TRPC3: variants seen among roughly 807,000 people sequenced by gnomAD.
TRPC3 encodes short transient receptor potential channel 3.
Under a neutral mutation model 90.9 loss-of-function variants are expected in TRPC3, and 54 were observed. That is an observed-to-expected ratio of 0.59 (90% confidence interval 0.48 to 0.75). TRPC3 has a LOEUF of 0.75. Ranked by LOEUF, TRPC3 falls within the 30% of genes least tolerant of loss-of-function variation. The pLI is 0.00. For synonymous variants in TRPC3, 424 were observed against 450.9 expected (o/e 0.94, Z 0.75); for missense variants, 918 against 1,194.5 (o/e 0.77, Z 3.41).
chr4:121,881,896 G>C (rs1727955866), intron 11 of TRPC3, among the ~76,000 whole-genome samples: 1 of 152,106 alleles, frequency 6.6e-6, no homozygotes, highest in African/African-American at 2.4e-5. Flanking sequence ...AAATTCAAAA[G>C]AGACGCACCA....
In TRPC3 at chr4:121,951,546, C is replaced by G; in HGVS notation, c.135G>C (p.Gly45=). Residue 45 remains glycine (G), a synonymous_variant, in exon 1 of 12, where the codon GGG becomes GGC. Transcript: ENST00000379645. This position sits in a 1 kb window ranked among gnomAD's most constrained non-coding sequence, Gnocchi z 4.4. ...RRRRGWRGVN[G]GLEPRSAPSQ... is the part of the protein sequence containing the mutation. ...AGGGCGCCGAGCGCGGCTCCAGCCC[C>G]CCGTTGACGCCCCTCCAGCCCCGGC... The G allele has an allele frequency of 2.1e-6, 3 of 1,424,680 alleles. No homozygotes were observed. Among genetic ancestry groups the G allele is most frequent in the Non-Finnish European group, 2.8e-6 (3 of 1,086,522 alleles). 88.3% of individuals were successfully genotyped at this position (1,424,680 alleles called of 1,614,324 possible).
intron 10 of TRPC3, among the ~76,000 whole-genome samples, chr4:121,884,989 A>T (rs917761725): frequency 1.3e-5 from 2 of 152,214 alleles, no homozygotes; most frequent in African/African-American, 4.8e-5. Flanking sequence ...TTCCTATAAA[A>T]TGAAAATACA....
At chr4:121,888,141 T>C (rs1290430654) in intron 10 of TRPC3, among the ~76,000 whole-genome samples, 1 of 152,140 alleles carries the variant, frequency 6.6e-6, no homozygotes, top group Non-Finnish European at 1.5e-5. Context: ...ATTGTAGAAG[T>C]GAGCCACCAT....
intron 10 of TRPC3, among the ~76,000 whole-genome samples, chr4:121,890,653 T>C (rs1728291549): frequency 6.6e-6 from 1 of 152,096 alleles, no homozygotes; most frequent in African/African-American, 2.4e-5. Context: ...GATATTTCAA[T>C]AAAATTATTC....
At chr4:121,940,199 G>A (rs758277439) in intron 1 of TRPC3, among the ~76,000 whole-genome samples, 2 of 152,114 alleles carry the variant, frequency 1.3e-5, no homozygotes, top group East Asian at 1.9e-4. Context: ...CCAAATCCCT[G>A]CCAAATGTAG....
At chr4:121,930,843 A>AC (rs1729882990) in intron 2 of TRPC3, 2 of 402,106 alleles carry the variant, frequency 5.0e-6, no homozygotes, top group Admixed American at 3.8e-5. Flanking sequence ...AAAAAAAAAA[A>AC]AAAAAAAAAA....
intron 1 of TRPC3, among the ~76,000 whole-genome samples, chr4:121,936,078 C>T (rs960406037): frequency 6.6e-6 from 1 of 152,098 alleles, no homozygotes; most frequent in African/African-American, 2.4e-5. Flanking sequence ...TCAATTAGAA[C>T]AAATTATACT....
intron 2 of TRPC3, among the ~76,000 whole-genome samples, chr4:121,929,793 AG>A (rs1190923443): frequency 2.6e-5 from 4 of 152,106 alleles, no homozygotes; most frequent in African/African-American, 9.7e-5. Context: ...TAGATATTAT[AG>A]GCCATTGATA....
intron 10 of TRPC3, among the ~76,000 whole-genome samples, chr4:121,892,370 A>G (rs1159491684): frequency 6.6e-6 from 1 of 152,202 alleles, no homozygotes; most frequent in East Asian, 1.9e-4. Flanking sequence ...GCAACTTTAC[A>G]GAAATTTCTT....
Position 121,879,532 on chromosome 4 carries a change from T to A in TRPC3, c.*204A>T. The stretch of plus-strand genomic sequence containing the variant: ...TATTGGGCTTTTCAACACAATGGTA[T>A]GCCACTGTAATGTCAAAGCAGACAA... On this transcript the variant is annotated 3_prime_UTR_variant, in exon 12 of 12. Transcript: ENST00000379645. The A allele has an allele frequency of 3.7e-6, 2 of 536,792 alleles. No individual in the cohort carries two copies. Among genetic ancestry groups the A allele is most frequent in the Non-Finnish European group, 6.3e-6 (2 of 319,164 alleles). The allele number at this position is 536,792 out of a possible 1,614,324, so 33.3% of individuals were successfully genotyped here.
At chr4:121,946,952 G>A (rs1252558180) in intron 1 of TRPC3, among the ~76,000 whole-genome samples, 3 of 152,040 alleles carry the variant, frequency 2.0e-5, no homozygotes, top group Non-Finnish European at 4.4e-5. Context: ...GGAGGTAGAG[G>A]TAGGAGGATT....
intron 1 of TRPC3, among the ~76,000 whole-genome samples, chr4:121,946,961 T>C (rs1730510084): frequency 6.6e-6 from 1 of 151,898 alleles, no homozygotes; most frequent in African/African-American, 2.4e-5. Flanking sequence ...GGTAGGAGGA[T>C]TGCTTGAGCT....
At chr4:121,915,905 C>A (rs531131246) in intron 3 of TRPC3, among the ~76,000 whole-genome samples, 1 of 152,134 alleles carries the variant, frequency 6.6e-6, no homozygotes, top group African/African-American at 2.4e-5. Context: ...CTCAGGAATT[C>A]AAAAATCAAC....
chr4:121,915,696 A>AT (rs542247718), intron 3 of TRPC3, among the ~76,000 whole-genome samples: 27 of 150,388 alleles, frequency 1.8e-4, no homozygotes, highest in Admixed American at 8.0e-4. Context: ...CAGCCATTTG[A>AT]TTTTTTTTTT....
chr4:121,902,911 A>C lies in TRPC3; in HGVS notation c.2404T>G (p.Cys802Gly). ...TCCTTCTGAAGCCTTCTCCTTCTGC[A>C]TTTGGGAAAGTTAACAATTCGCATG... ...FIMRIVNFPK[C>G]RRRRLQKDIE... The change falls in exon 9 of 12, where the codon TGC becomes GGC. Residue 802 changes from cysteine to glycine, a missense_variant. This residue lies in a region of TRPC3 where 121 missense variants were observed against 135.7 expected (regional missense o/e 0.89). Coordinates refer to ENST00000379645, the MANE Select transcript of TRPC3 (RefSeq NM_001130698.2). 6.2e-7 allele frequency: 1 copy of C among 1,613,516 alleles called. No individual in the cohort carries two copies. Among genetic ancestry groups the C allele is most frequent in the Non-Finnish European group, 8.5e-7 (1 of 1,179,738 alleles).
intron 4 of TRPC3, among the ~76,000 whole-genome samples, chr4:121,913,861 G>A (rs2149127294): frequency 6.6e-6 from 1 of 152,338 alleles, no homozygotes. Flanking sequence ...CATATATGGT[G>A]TTTGCAGAGC....
At chr4:121,898,428 A>G (rs1728591624) in intron 10 of TRPC3, among the ~76,000 whole-genome samples, 1 of 152,110 alleles carries the variant, frequency 6.6e-6, no homozygotes, top group Non-Finnish European at 1.5e-5. Context: ...TGAACTGCAC[A>G]TGTGACAGAT....
intron 9 of TRPC3, among the ~76,000 whole-genome samples, chr4:121,902,265 G>A (rs1427659519): frequency 6.6e-6 from 1 of 152,090 alleles, no homozygotes; most frequent in Admixed American, 6.6e-5. Flanking sequence ...GTTAGTTCAT[G>A]ATAACAAAGT....
rs371873419 is a variant in TRPC3 at position 121,919,191 on chromosome 4, C to G, written c.1177-4247G>C. On this transcript the variant is annotated intron_variant, in intron 3 of 11. Coordinates refer to ENST00000379645, the MANE Select transcript of TRPC3 (RefSeq NM_001130698.2). ...ATAGATTATAAACTGAACCACTGAT[C>G]AGGGCAGGCTAGGGAAAACAATCAA... Among the ~76,000 whole-genome samples the G allele has an allele frequency of 2.6e-5, 4 of 152,278 alleles. No homozygotes were observed. In the South Asian group the frequency reaches 8.3e-4, roughly 32 times the overall value.
Sources: allele counts gnomAD v4.1 joint callset (sites outside exome capture counted in the v4.1 genomes callset), GRCh38; gene constraint gnomAD v4.1.1; regional missense constraint gnomAD v4.1.1; non-coding constraint Gnocchi (gnomAD v3.1); transcripts MANE v1.5; gene names NCBI Gene and HGNC (gene_info 2026-07-23, HGNC 2026-07-21).